The following TCAIM variants were observed in gnomAD, a reference collection of about 807,000 sequenced individuals.
The protein encoded by TCAIM is T cell activation inhibitor, mitochondrial.
Under a neutral mutation model 58.6 loss-of-function variants are expected in TCAIM, and 36 were observed. The ratio of observed to expected loss-of-function variants is 0.61; its 90% CI spans 0.47 to 0.81. TCAIM has a LOEUF of 0.81. Among genes scored for constraint, TCAIM ranks in the 30% least tolerant of loss-of-function variants. The pLI is 0.00. For synonymous variants in TCAIM, 172 were observed against 193.6 expected (o/e 0.89, Z 0.93); for missense variants, 466 against 579.6 (o/e 0.80, Z 2.01).
chr3:44,346,414 C>T (rs1427461123), intron 1 of TCAIM, among the ~76,000 whole-genome samples: 5 of 152,100 alleles, frequency 3.3e-5, no homozygotes, highest in Admixed American at 2.0e-4. Flanking sequence ...CTACCCAGAC[C>T]AAGAGGTATT....
chr3:44,402,472 G>T (rs569576219), intron 10 of TCAIM, among the ~76,000 whole-genome samples: 1 of 152,254 alleles, frequency 6.6e-6, no homozygotes, highest in Non-Finnish European at 1.5e-5. Context: ...TTGTATCTTT[G>T]AAGGAGTCCT....
intron 5 of TCAIM, among the ~76,000 whole-genome samples, chr3:44,382,768 T>G (rs932725115): frequency 6.6e-6 from 1 of 152,180 alleles, no homozygotes; most frequent in Non-Finnish European, 1.5e-5. Flanking sequence ...TTAAAGTTTG[T>G]GCACTAAAAG....
At chr3:44,357,079 G>T (rs1701208388) in intron 2 of TCAIM, among the ~76,000 whole-genome samples, 1 of 152,034 alleles carries the variant, frequency 6.6e-6, no homozygotes, top group African/African-American at 2.4e-5. Context: ...CTCTTTTTAA[G>T]TATAATAATT....
At chr3:44,360,831 C>T (rs976011451) in intron 3 of TCAIM, among the ~76,000 whole-genome samples, 1 of 152,120 alleles carries the variant, frequency 6.6e-6, no homozygotes. Context: ...TTCTCAAACT[C>T]CTGAGTTCAG....
At chr3:44,374,393 G>A (rs115013085) in intron 5 of TCAIM, among the ~76,000 whole-genome samples, 1,727 of 151,750 alleles carry the variant, frequency 0.011, 31 homozygotes, top group African/African-American at 0.038. Flanking sequence ...CATAAATACA[G>A]GTGTGTGTGT....
chr3:44,402,637 C>G (rs764981402), intron 10 of TCAIM, among the ~76,000 whole-genome samples: 30 of 152,104 alleles, frequency 2.0e-4, no homozygotes, highest in Non-Finnish European at 4.1e-4. Flanking sequence ...GATAGAAAGA[C>G]TCAGACATGA....
intron 5 of TCAIM, among the ~76,000 whole-genome samples, chr3:44,379,561 T>C (rs1559575044): frequency 2.0e-5 from 3 of 152,188 alleles, no homozygotes; most frequent in Non-Finnish European, 4.4e-5. Flanking sequence ...AATGAGATCA[T>C]GTCCTTTGCA....
chr3:44,351,687 G>A (rs1268018886), intron 1 of TCAIM, among the ~76,000 whole-genome samples: 1 of 151,594 alleles, frequency 6.6e-6, no homozygotes, highest in Non-Finnish European at 1.5e-5. Flanking sequence ...TAGAGATGGG[G>A]TTTTGCCATG....
chr3:44,391,954 T>C (rs1051536201), intron 5 of TCAIM, among the ~76,000 whole-genome samples: 9 of 152,210 alleles, frequency 5.9e-5, no homozygotes, highest in African/African-American at 1.9e-4. Context: ...TCTATTATAA[T>C]ATTTGCTCAC....
At chr3:44,361,610 C>G in intron 4 of TCAIM, 92 bp downstream of exon 4, 1 of 1,254,582 alleles carries the variant, frequency 8.0e-7, no homozygotes, top group Non-Finnish European at 1.1e-6. Flanking sequence ...TGGATGAAAA[C>G]TTTGGTGATA....
In TCAIM at chr3:44,338,771, G is replaced by C. The variant is rs1700784436; in HGVS notation, c.-108G>C. On this transcript the variant is annotated 5_prime_UTR_variant, in exon 1 of 11. Transcript: ENST00000342649. Reference sequence around the variant, plus strand: ...GGGCGGAGCGACTGTCCTCCCTTCTGGTGTACTGGGTGGGAGGTGGAACTA... The same window carrying C: ...GGGCGGAGCGACTGTCCTCCCTTCTCGTGTACTGGGTGGGAGGTGGAACTA... The C allele has an allele frequency of 6.6e-6, 1 of 152,320 alleles. No homozygotes were observed. The highest frequency in any genetic ancestry group is 2.1e-4 in the South Asian group (1 of 4,832). 9.4% of individuals were successfully genotyped at this position (152,320 alleles called of 1,614,324 possible).
intron 1 of TCAIM, chr3:44,339,602 A>G (rs1016343604): frequency 3.3e-5 from 5 of 152,218 alleles, no homozygotes; most frequent in Non-Finnish European, 2.9e-5. Flanking sequence ...ACAGAAACTA[A>G]TATCACTGTT....
chr3:44,378,733 C>T (rs2125644177), intron 5 of TCAIM, among the ~76,000 whole-genome samples: 1 of 151,760 alleles, frequency 6.6e-6, no homozygotes, highest in African/African-American at 2.4e-5. Context: ...ATTGCTTGAA[C>T]CTGGGATGCA....
intron 1 of TCAIM, among the ~76,000 whole-genome samples, chr3:44,344,801 G>A (rs1266066023): frequency 1.3e-5 from 2 of 152,074 alleles, no homozygotes. Context: ...GATTTGGGTA[G>A]GTAGTGGGGA....
chr3:44,383,259 A>G (rs1701681732), intron 5 of TCAIM, among the ~76,000 whole-genome samples: 1 of 152,244 alleles, frequency 6.6e-6, no homozygotes, highest in African/African-American at 2.4e-5. Flanking sequence ...ACCCATGTTC[A>G]TAGCAGCATT....
At chr3:44,372,004 A>AG (rs1559570842) in intron 5 of TCAIM, among the ~76,000 whole-genome samples, 4 of 139,888 alleles carry the variant, frequency 2.9e-5, no homozygotes, top group African/African-American at 1.1e-4. Flanking sequence ...GAGAGAGAGA[A>AG]AGAGAGAAGG....
At position 44,395,798 on chromosome 3, in the gene TCAIM, A is replaced by G. The variant is rs1391186160; in HGVS notation, c.696-602A>G. 2.0e-5 allele frequency among the ~76,000 whole-genome samples: 3 copies of G among 152,230 alleles called. No individual in the cohort carries two copies. In the East Asian group the frequency reaches 5.8e-4, roughly 29 times the overall value. On this transcript the variant is annotated intron_variant, in intron 6 of 10. Coordinates refer to ENST00000342649, the MANE Select transcript of TCAIM (RefSeq NM_173826.4). ...CCAGGTGTTGAAGACCAGCCTAAGC[A>G]ACATGGTGAAACCCTGTCTCTACAA...
chr3:44,352,920 CTTCT>C (rs1559561404), intron 1 of TCAIM, among the ~76,000 whole-genome samples: 1 of 115,884 alleles, frequency 8.6e-6, no homozygotes, highest in African/African-American at 2.9e-5. Context: ...TTCAGATTGA[CTTCT>C]TTTTTTTTTT....
chr3:44,408,721 A>T lies in TCAIM; in HGVS notation c.*1039A>T, dbSNP rs1246154783. 1 of 152,010 alleles carries T rather than the reference A, an allele frequency of 6.6e-6. No individual in the cohort carries two copies. The highest frequency in any genetic ancestry group is 1.5e-5 in the Non-Finnish European group (1 of 67,996). The allele number at this position is 152,010 out of a possible 1,614,324, so 9.4% of individuals were successfully genotyped here. A position where few individuals can be genotyped will look rare whatever the true frequency, so the allele number is the denominator to read the frequency against. On this transcript the variant is annotated 3_prime_UTR_variant, in exon 11 of 11. Transcript: ENST00000342649. ...TTCAGACCATTCAGGATTTCTTGTC[A>T]CTCTTCTCAACCACGATCTTCCTGT...
Sources: allele counts gnomAD v4.1 joint callset (sites outside exome capture counted in the v4.1 genomes callset), GRCh38; gene constraint gnomAD v4.1.1; transcripts MANE v1.5; gene names NCBI Gene and HGNC (gene_info 2026-07-23, HGNC 2026-07-21).